TPM1: variants seen among roughly 807,000 people sequenced by gnomAD.
TPM1 encodes tropomyosin alpha-1 chain.
A neutral mutation model predicts 42.9 loss-of-function variants in TPM1; 24 were observed. The observed-to-expected ratio is 0.56, with a 90% CI of 0.41 to 0.79. The LOEUF is 0.79. Among genes scored for constraint, TPM1 ranks in the 30% least tolerant of loss-of-function variants. The probability of loss-of-function intolerance (pLI) is 0.00; values close to 1 mark genes in which losing one functional copy is unlikely to be tolerated. For missense variants in TPM1, 158 were observed against 351.8 expected, an observed-to-expected ratio of 0.45 and a Z score of 4.41; for synonymous variants, 136 against 130.1, an observed-to-expected ratio of 1.05 and a Z score of -0.31.
chr15:63,070,120 A>G, downstream of TPM1: 1 of 1,480,416 alleles, frequency 6.8e-7, no homozygotes, highest in Non-Finnish European at 9.0e-7. Flanking sequence ...TATGGCTGGA[A>G]TAATTACGTT....
intron 6 of TPM1, 141 bp downstream of exon 6, chr15:63,061,929 C>A (rs776467874): frequency 1.7e-5 from 13 of 782,208 alleles, no homozygotes; most frequent in Non-Finnish European, 2.3e-5. Context: ...TACTAGATAA[C>A]AAATTCTTTT....
chr15:63,048,781 C>CT, intron 2 of TPM1: 2 of 1,501,560 alleles, frequency 1.3e-6, no homozygotes, highest in Non-Finnish European at 1.8e-6. Context: ...GGCCCTCCTG[C>CT]TTCCCCCCCC....
chr15:63,065,537 G>A, intron 9 of TPM1: 1 of 985,110 alleles, frequency 1.0e-6, no homozygotes, highest in South Asian at 4.7e-5. Flanking sequence ...AGGGGGTGGA[G>A]CAGATCATCT....
chr15:63,068,447 A>C (rs1280459104), downstream of TPM1, among the ~76,000 whole-genome samples: 1 of 152,230 alleles, frequency 6.6e-6, no homozygotes, highest in East Asian at 1.9e-4. Flanking sequence ...AGAAAACATA[A>C]CGAGCATAGC....
intron 2 of TPM1, chr15:63,048,347 G>GGC: frequency 8.5e-7 from 1 of 1,181,872 alleles, no homozygotes; most frequent in Non-Finnish European, 1.1e-6. Context: ...CGGGATCCAC[G>GGC]GCGCGCGCCC....
downstream of TPM1, chr15:63,071,078 A>T: frequency 6.2e-7 from 1 of 1,613,996 alleles, no homozygotes; most frequent in Non-Finnish European, 8.5e-7. Context: ...TAATTTTCTA[A>T]TCTCACCACA....
downstream of TPM1, among the ~76,000 whole-genome samples, chr15:63,069,334 T>C (rs371067007): frequency 5.3e-5 from 8 of 152,252 alleles, no homozygotes; most frequent in African/African-American, 1.9e-4. Flanking sequence ...AAAATTTCAG[T>C]GCAGCAAAAG....
intron 3 of TPM1, among the ~76,000 whole-genome samples, chr15:63,058,743 T>G (rs1224625081): frequency 1.3e-5 from 2 of 152,342 alleles, no homozygotes. Flanking sequence ...GGTTCACTTA[T>G]ACTGCCTACT....
intron 2 of TPM1, chr15:63,048,383 G>T: frequency 2.2e-6 from 3 of 1,348,188 alleles, no homozygotes; most frequent in Non-Finnish European, 1.9e-6. Context: ...GCCCGCCTGC[G>T]GTTTGTCTGC....
At chr15:63,065,065 A>G (rs989236402) in intron 9 of TPM1, 8 of 985,224 alleles carry the variant, frequency 8.1e-6, no homozygotes, top group Non-Finnish European at 8.4e-6. Context: ...CCCACGATAA[A>G]TATTTACCAC....
intron 2 of TPM1, chr15:63,048,810 T>TC (rs2033158406): frequency 6.9e-7 from 1 of 1,454,536 alleles, no homozygotes; most frequent in East Asian, 2.6e-5. Flanking sequence ...CGGTCCCTCG[T>TC]CCCCACGCCT....
chr15:63,070,006 G>C, downstream of TPM1: 1 of 1,611,246 alleles, frequency 6.2e-7, no homozygotes. Context: ...GAAAATCTAA[G>C]ACTGTCCTAC....
chr15:63,043,587 A>T (rs1596300543), intron 1 of TPM1: 1 of 1,471,150 alleles, frequency 6.8e-7, no homozygotes, highest in Non-Finnish European at 9.2e-7. Context: ...GGTCCTTTGC[A>T]CTCCAACTCG....
chr15:63,067,415 T>G (rs937868577), downstream of TPM1, among the ~76,000 whole-genome samples: 3 of 152,362 alleles, frequency 2.0e-5, no homozygotes, highest in Non-Finnish European at 4.4e-5. Context: ...CTATGATTCC[T>G]TCCTCATTCT....
At chr15:63,061,675 T>C in intron 5 of TPM1, 38 bp from the exon 6 acceptor site, 1 of 1,597,484 alleles carries the variant, frequency 6.3e-7, no homozygotes, top group East Asian at 2.2e-5. Flanking sequence ...TCCTTTGGCT[T>C]GTCTCCCACC....
intron 2 of TPM1, 75 bp from the exon 3 acceptor site, chr15:63,056,910 C>T: frequency 6.3e-7 from 1 of 1,596,944 alleles, no homozygotes; most frequent in Non-Finnish European, 8.6e-7. Context: ...ATCAGCATTG[C>T]AGTCCCAGCC....
chr15:63,061,795 C>T lies in TPM1; in HGVS notation c.639+7C>T. 6.2e-7 allele frequency: 1 copy of T among 1,613,806 alleles called. No homozygotes were observed. The stretch of plus-strand genomic sequence containing the variant: ...GGAGGCTCAGGCTGAGAAGGTAGGC[C>T]AGGAGGATGGTGTGGGGGAAAGGCA... On this transcript the variant is annotated splice_region_variant and intron_variant, in intron 6 of 9. Transcript: ENST00000403994.
rs540386956 is a variant in TPM1, at chr15:63,043,478, G to T, written c.114+535G>T. 73 of 723,388 alleles carry T rather than the reference G, an allele frequency of 1.0e-4. No homozygotes were observed. Among genetic ancestry groups the T allele is most frequent in the South Asian group, 1.6e-4 (11 of 67,384 alleles). The allele number at this position is 723,388 out of a possible 1,614,324, so 44.8% of individuals were successfully genotyped here. On this transcript the variant is annotated intron_variant, in intron 1 of 9. Transcript: ENST00000403994. The stretch of plus-strand genomic sequence containing the variant: ...CTGTGTCCCCAAGTAGTGGACTTGA[G>T]CCCGCTGAGACCTCGGCAGGAGTCT...
At chr15:63,057,179 G>A in intron 3 of TPM1, 61 bp downstream of exon 3, 1 of 1,609,000 alleles carries the variant, frequency 6.2e-7, no homozygotes, top group East Asian at 2.2e-5. Context: ...AAACCGGAGG[G>A]CTCCTGTGAT....
Sources: gnomAD v4.1 joint callset for allele counts (sites outside exome capture counted in the v4.1 genomes callset) on GRCh38, gnomAD v4.1.1 for gene constraint, MANE v1.5 for transcripts, NCBI Gene and HGNC (gene_info 2026-07-23, HGNC 2026-07-21) for gene names.